The following HIRIP3 variants were observed in gnomAD, a reference collection of about 807,000 sequenced individuals.
The protein encoded by HIRIP3 is HIRA-interacting protein 3.
Under a neutral mutation model 50.3 loss-of-function variants are expected in HIRIP3, and 40 were observed. The ratio of observed to expected loss-of-function variants is 0.79; its 90% CI spans 0.62 to 1.03. The LOEUF (loss-of-function observed/expected upper bound fraction) is 1.03. Ranked by LOEUF, HIRIP3 falls within the 50% of genes least tolerant of loss-of-function variation. HIRIP3 has a pLI of 0.00. For missense variants in HIRIP3, 765 were observed against 705.4 expected, an observed-to-expected ratio of 1.08 and a Z score of -0.96; for synonymous variants, 318 against 261.6, an observed-to-expected ratio of 1.22 and a Z score of -2.08.
In HIRIP3 at chr16:29,994,323, C is replaced by T. The variant is rs749619336; in HGVS notation, c.822G>A (p.Arg274=). ...NGRRKSAREE[R]SCKQKSQAKR... ...TTGCCTGGCTTTTCTGCTTACAGCT[C>T]CTCTCCTCCCTAGCTGACTTTCTCC... The change falls in exon 4 of 7, where the codon AGG becomes AGA. Residue 274 remains arginine, a synonymous_variant. Transcript: ENST00000279392. The T allele has an allele frequency of 2.5e-6, 4 of 1,614,020 alleles. No homozygotes were observed. The highest frequency in any genetic ancestry group is 1.7e-5 in the Admixed American group (1 of 59,996).
rs1567261623 is a variant in HIRIP3, at chr16:29,995,357, GCTC to G, written c.169_171del (p.Glu57del). 5.0e-6 allele frequency: 8 copies of G among 1,611,456 alleles called. No individual in the cohort carries two copies. The South Asian group carries it at 8.8e-5, about 18-fold the overall frequency. On this transcript the variant is annotated inframe_deletion, in exon 2 of 7. Coordinates refer to ENST00000279392, the MANE Select transcript of HIRIP3 (RefSeq NM_003609.5). ...GCCCGGCACACCTGCATCTTCAGCA[GCTC>G]CTCCTCCACCAGCCGCTTCAGTGCC... is the stretch of plus-strand genomic sequence containing the variant.
chr16:29,994,551 C>T lies in HIRIP3; in HGVS notation c.594G>A (p.Glu198=). 1 of 1,614,046 alleles carries T rather than the reference C, an allele frequency of 6.2e-7. No individual in the cohort carries two copies. Among genetic ancestry groups the T allele is most frequent in the Non-Finnish European group, 8.5e-7 (1 of 1,180,022 alleles). The change falls in exon 4 of 7, where the codon GAG becomes GAA. Residue 198 remains glutamate, a synonymous_variant. Transcript: ENST00000279392. The part of the protein sequence containing the change: ...SRKQAREESE[E]SEAEPVQRTA... ...TCCTCTGAACGGGTTCTGCCTCGCT[C>T]TCCTCACTTTCTTCCCTGGCCTGCT...
chr16:29,995,640 T>C (rs1466888336), upstream of HIRIP3: 1 of 1,609,420 alleles, frequency 6.2e-7, no homozygotes, highest in African/African-American at 1.3e-5. Context: ...TCCCGCCTTT[T>C]TTTCTTCTCG....
At position 29,993,468 on chromosome 16, in the gene HIRIP3, T is replaced by C. The variant is rs139374551; in HGVS notation, c.1498A>G (p.Ser500Gly). 501 of 1,613,036 alleles carry C rather than the reference T, an allele frequency of 3.1e-4. 1 individual carries two copies. The African/African-American group carries it at 5.9e-3, about 19-fold the overall frequency. ...AGAGGAAACCCCTTACCCGAGCCAC[T>C]GATGATGTTCGCAACATCCAAGGAG... ...VASLDVANII[S>G]GSGRPRRRTA... The change falls in exon 6 of 7, where the codon AGT (serine) becomes GGT (glycine). Residue 500 changes from serine to glycine, a missense_variant. Ser to Gly is a moderately conservative substitution (Grantham distance 56, BLOSUM62 0). Transcript: ENST00000279392.
chr16:29,992,412 G>A lies in HIRIP3; in HGVS notation c.*795C>T, dbSNP rs1237679695. 6.6e-6 allele frequency: 1 copy of A among 151,674 alleles called. No individual in the cohort carries two copies. The highest frequency in any genetic ancestry group is 1.5e-5 in the Non-Finnish European group (1 of 67,992). The allele number at this position is 151,674 out of a possible 1,614,324, so 9.4% of individuals were successfully genotyped here. The stretch of plus-strand genomic sequence containing the variant: ...ATGACTTTAGGTGTGACCAGATCTC[G>A]GATCTCAAAGGTGGTCTTCAACCCC... On this transcript the variant is annotated 3_prime_UTR_variant, in exon 7 of 7. Coordinates refer to ENST00000279392, the MANE Select transcript of HIRIP3 (RefSeq NM_003609.5).
At chr16:29,995,686 G>C (rs1055867370), upstream of HIRIP3, 77 of 1,535,286 alleles carry the variant, frequency 5.0e-5, 1 homozygote, top group South Asian at 8.5e-4. Flanking sequence ...GCTCGCGCAC[G>C]CGCAGTGCTG....
chr16:29,993,136 C>T lies in HIRIP3; in HGVS notation c.*71G>A. On this transcript the variant is annotated 3_prime_UTR_variant, in exon 7 of 7. Coordinates refer to ENST00000279392, the MANE Select transcript of HIRIP3 (RefSeq NM_003609.5). ...TCTGAAGGAAGCTGCTTCTGTTCCA[C>T]AGACACAGGGCAAGGGGTGCTATGT... 1 of 1,423,994 alleles carries T rather than the reference C, an allele frequency of 7.0e-7. No homozygotes were observed. Among genetic ancestry groups the T allele is most frequent in the Non-Finnish European group, 9.4e-7 (1 of 1,066,318 alleles). The allele number at this position is 1,423,994 out of a possible 1,614,324, so 88.2% of individuals were successfully genotyped here.
chr16:29,994,529 T>C lies in HIRIP3; in HGVS notation c.616A>G (p.Arg206Gly), dbSNP rs760470938. ...TTTCCCTCCACCTTCTTTGCTGTCCTCTGAACGGGTTCTGCCTCGCTCTCC... is the reference window on the plus strand; with the variant it reads ...TTTCCCTCCACCTTCTTTGCTGTCCCCTGAACGGGTTCTGCCTCGCTCTCC... ...SEESEAEPVQRTAKKVEGNKG... is the reference protein window; with the variant it reads ...SEESEAEPVQGTAKKVEGNKG... Residue 206 changes from arginine to glycine, a missense_variant, in exon 4 of 7, where the codon AGG (arginine) becomes GGG (glycine). By Grantham distance (125) the Arg-to-Gly change is moderately radical. Coordinates refer to ENST00000279392, the MANE Select transcript of HIRIP3 (RefSeq NM_003609.5). 1.6e-5 allele frequency: 26 copies of C among 1,614,042 alleles called. No homozygotes were observed.
rs762907364 is a variant in HIRIP3, at chr16:29,994,088, C to T, written c.1057G>A (p.Ala353Thr). 3 of 1,613,436 alleles carry T rather than the reference C, an allele frequency of 1.9e-6. No homozygotes were observed. In the African/African-American group the frequency reaches 4.0e-5, roughly 22 times the overall value. ...TCACCACTGGTGCTGCCCAGTCTGG[C>T]CATCTTTCTAGAGCCTTTAGCTGTG... ...EPTAKGSRKM[A>T]RLGSTSGEES... Residue 353 changes from alanine to threonine, a missense_variant, in exon 4 of 7, where the codon GCC (alanine) becomes ACC (threonine). By Grantham distance (58) the Ala-to-Thr change is moderately conservative. Coordinates refer to ENST00000279392, the MANE Select transcript of HIRIP3 (RefSeq NM_003609.5).
Position 29,993,180 on chromosome 16 carries a change from A to G in HIRIP3, c.*27T>C. The G allele has an allele frequency of 6.4e-7, 1 of 1,564,590 alleles. No homozygotes were observed. The highest frequency in any genetic ancestry group is 8.7e-7 in the Non-Finnish European group (1 of 1,155,950). ...GCTATGTATGCTTTGTACATGTATC[A>G]AGGGTCCCTCCTGGGGGTGGCAGAG... On this transcript the variant is annotated 3_prime_UTR_variant, in exon 7 of 7. Coordinates refer to ENST00000279392, the MANE Select transcript of HIRIP3 (RefSeq NM_003609.5).
At position 29,993,476 on chromosome 16, in the gene HIRIP3, T is replaced by A. The variant is rs933762950; in HGVS notation, c.1490A>T (p.Asn497Ile). Residue 497 changes from asparagine (N) to isoleucine (I), a missense_variant, in exon 6 of 7, where the codon AAC (asparagine) becomes ATC (isoleucine). Coordinates refer to ENST00000279392, the MANE Select transcript of HIRIP3 (RefSeq NM_003609.5). ...CCCCTTACCCGAGCCACTGATGATGTTCGCAACATCCAAGGAGGCCACCTC... is the reference window on the plus strand; with the variant it reads ...CCCCTTACCCGAGCCACTGATGATGATCGCAACATCCAAGGAGGCCACCTC... ...AAEVASLDVANIISGSGRPRR... is the reference protein window; with the variant it reads ...AAEVASLDVAIIISGSGRPRR... 10 of 1,613,296 alleles carry A rather than the reference T, an allele frequency of 6.2e-6. No homozygotes were observed. The highest frequency in any genetic ancestry group is 3.3e-5 in the Admixed American group (2 of 59,952).
Position 29,993,150 on chromosome 16 carries a change from G to T in HIRIP3, c.*57C>A. 6.7e-7 allele frequency: 1 copy of T among 1,481,650 alleles called. No individual in the cohort carries two copies. Among genetic ancestry groups the T allele is most frequent in the Non-Finnish European group, 9.1e-7 (1 of 1,103,338 alleles). 91.8% of individuals were successfully genotyped at this position (1,481,650 alleles called of 1,614,324 possible). A position where few individuals can be genotyped will look rare whatever the true frequency, so the allele number is the denominator to read the frequency against. ...CTTCTGTTCCACAGACACAGGGCAA[G>T]GGGTGCTATGTATGCTTTGTACATG... On this transcript the variant is annotated 3_prime_UTR_variant, in exon 7 of 7. Transcript: ENST00000279392.
upstream of HIRIP3, chr16:29,995,718 C>A: frequency 1.4e-6 from 2 of 1,379,536 alleles, no homozygotes; most frequent in Non-Finnish European, 2.0e-6. Flanking sequence ...GGCGAGGGAC[C>A]GTTGGCCCTT....
chr16:29,995,697 C>T, upstream of HIRIP3: 2 of 1,501,862 alleles, frequency 1.3e-6, no homozygotes, highest in Non-Finnish European at 1.8e-6. Context: ...CGCAGTGCTG[C>T]GGCAACGTGG....
chr16:29,996,038 G>C, upstream of HIRIP3: 1 of 590,462 alleles, frequency 1.7e-6, no homozygotes, highest in Non-Finnish European at 3.0e-6. Flanking sequence ...GTACATTAGA[G>C]TCAGGAACGG....
rs755071996 is a variant in HIRIP3 at position 29,994,560 on chromosome 16, T to C, written c.585A>G (p.Glu195=). The part of the protein sequence containing the change: ...ASVSRKQARE[E]SEESEAEPVQ... ...CGGGTTCTGCCTCGCTCTCCTCACT[T>C]TCTTCCCTGGCCTGCTTCCTACTGA... is the stretch of plus-strand genomic sequence containing the variant. Residue 195 remains glutamate (E), a synonymous_variant, in exon 4 of 7, where the codon GAA becomes GAG. Transcript: ENST00000279392. 1.2e-6 allele frequency: 2 copies of C among 1,614,198 alleles called. No homozygotes were observed. Among genetic ancestry groups the C allele is most frequent in the Non-Finnish European group, 1.7e-6 (2 of 1,180,034 alleles).
rs1331536411 is a variant in HIRIP3, at chr16:29,995,168, C to T, written c.236G>A (p.Gly79Asp). The change falls in exon 3 of 7, where the codon GGC becomes GAC. Residue 79 changes from glycine (G) to aspartate (D), a missense_variant. Physicochemically the swap from Gly to Asp is moderately conservative, Grantham distance 94. Coordinates refer to ENST00000279392, the MANE Select transcript of HIRIP3 (RefSeq NM_003609.5). The stretch of plus-strand genomic sequence containing the variant: ...GCTACAAGGGGTGGGAGGCCTCTTG[C>T]CCTTCTTGGTAAGGTCCAGTTTGTC... Reference protein sequence around the residue: ...REDKLDLTKKGKRPPTPCSDP... With the variant: ...REDKLDLTKKDKRPPTPCSDP... The T allele has an allele frequency of 1.2e-6, 2 of 1,614,124 alleles. No homozygotes were observed. The highest frequency in any genetic ancestry group is 2.7e-5 in the African/African-American group (2 of 74,938).
At position 29,995,086 on chromosome 16, in the gene HIRIP3, A is replaced by AGGGAGGAAGCACTAACCC. The variant is rs1172549857; in HGVS notation, c.300_301+16dup. ...CAACGATGCAGAAGGCCCCCACAGC[A>AGGGAGGAAGCACTAACCC]GGGAGGAAGCACTAACCCGACTCTG... On this transcript the variant is annotated intron_variant, in intron 3 of 6. Transcript: ENST00000279392. 1 of 1,609,620 alleles carries AGGGAGGAAGCACTAACCC rather than the reference A, an allele frequency of 6.2e-7. No individual in the cohort carries two copies. The highest frequency in any genetic ancestry group is 2.2e-5 in the East Asian group (1 of 44,888).
rs1353286092 is a variant in HIRIP3 at position 29,993,020 on chromosome 16, T to C, written c.*187A>G. The C allele has an allele frequency of 4.4e-6, 2 of 459,100 alleles. No individual in the cohort carries two copies. Among genetic ancestry groups the C allele is most frequent in the Non-Finnish European group, 7.4e-6 (2 of 269,840 alleles). 28.4% of individuals were successfully genotyped at this position (459,100 alleles called of 1,614,324 possible). Reference sequence around the variant, plus strand: ...TGAGGTGATTAAAAACACTCCTTTATTGAGTCTTAAAAAATAAACACCTTA... The same window carrying C: ...TGAGGTGATTAAAAACACTCCTTTACTGAGTCTTAAAAAATAAACACCTTA... On this transcript the variant is annotated 3_prime_UTR_variant, in exon 7 of 7. Coordinates refer to ENST00000279392, the MANE Select transcript of HIRIP3 (RefSeq NM_003609.5).
Sources: gnomAD v4.1 joint callset for allele counts on GRCh38, gnomAD v4.1.1 for gene constraint, MANE v1.5 for transcripts, NCBI Gene and HGNC (gene_info 2026-07-23, HGNC 2026-07-21) for gene names.